Variants in TENM2 observed in about 807,000 individuals in gnomAD.
TENM2 encodes the protein teneurin-2.
A neutral mutation model predicts 245.2 loss-of-function variants in TENM2; 52 were observed. The ratio of observed to expected loss-of-function variants is 0.21; its 90% CI spans 0.17 to 0.27. The LOEUF (loss-of-function observed/expected upper bound fraction) is 0.27, where lower values mean the gene tolerates loss of function less well. Ranked by LOEUF, TENM2 falls within the 10% of genes least tolerant of loss-of-function variation. The probability of loss-of-function intolerance (pLI) is 1.00; values close to 1 mark genes in which losing one functional copy is unlikely to be tolerated. For synonymous variants in TENM2, 1,363 were observed against 1,438.9 expected, an observed-to-expected ratio of 0.95 and a Z score of 1.19; for missense variants, 3,046 against 3,666.8, an observed-to-expected ratio of 0.83 and a Z score of 4.37.
intron 9 of TENM2, among the ~76,000 whole-genome samples, chr5:168,111,451 G>T (rs1037163452): frequency 1.3e-5 from 2 of 152,150 alleles, no homozygotes; most frequent in African/African-American, 4.8e-5. Context: ...GGGGAGGGCT[G>T]TTCAGGTCAG....
intron 1 of TENM2, among the ~76,000 whole-genome samples, chr5:167,320,760 C>T (rs551593412): frequency 1.3e-5 from 2 of 152,252 alleles, no homozygotes; most frequent in East Asian, 1.9e-4. Flanking sequence ...TTGGACTTTC[C>T]AGCCTCCAGA....
At position 167,608,724 on chromosome 5, in the gene TENM2, C is replaced by T. The variant is rs537888604; in HGVS notation, c.502+233251C>T. On this transcript the variant is annotated intron_variant, in intron 2 of 28. Transcript: ENST00000518659. Reference sequence around the variant, plus strand: ...TTGTTGCTTCGTGTCTCACAGGAGCCTACAGATTTGCAAAAAAAACAAAAC... The same window carrying T: ...TTGTTGCTTCGTGTCTCACAGGAGCTTACAGATTTGCAAAAAAAACAAAAC... 2.0e-5 allele frequency among the ~76,000 whole-genome samples: 3 copies of T among 152,180 alleles called. No homozygotes were observed. In the South Asian group the frequency reaches 6.2e-4, roughly 32 times the overall value.
chr5:167,466,856 T>C (rs945065223), intron 2 of TENM2, among the ~76,000 whole-genome samples: 1 of 152,288 alleles, frequency 6.6e-6, no homozygotes, highest in East Asian at 1.9e-4. Context: ...CACGTACTAA[T>C]ACTGTGTATA....
chr5:167,872,374 AAGGAAAAG>A (rs1158422415), intron 2 of TENM2, among the ~76,000 whole-genome samples: 7 of 150,202 alleles, frequency 4.7e-5, no homozygotes, highest in African/African-American at 1.7e-4. Flanking sequence ...GGAAGGAAGG[AAGGAAAAG>A]AAAGAAGGAA....
chr5:167,590,604 A>C (rs1039548158), intron 2 of TENM2, among the ~76,000 whole-genome samples: 20 of 151,884 alleles, frequency 1.3e-4, no homozygotes, highest in Admixed American at 1.3e-3. Context: ...CTTAACTTTC[A>C]TCTTGATTAT....
the TENM2 span, among the ~76,000 whole-genome samples, chr5:167,099,387 G>A: frequency 6.6e-6 from 1 of 152,106 alleles, no homozygotes; most frequent in African/African-American, 2.4e-5. Flanking sequence ...GCTTATCTGT[G>A]ACAGATTTGT....
intron 4 of TENM2, among the ~76,000 whole-genome samples, chr5:167,989,403 G>A (rs1268468650): frequency 1.3e-5 from 2 of 152,140 alleles, no homozygotes; most frequent in African/African-American, 2.4e-5. Flanking sequence ...GATGGGTTAG[G>A]TGGGACAGAG....
chr5:167,292,432 T>C (rs962977956), intron 1 of TENM2, among the ~76,000 whole-genome samples: 1 of 152,228 alleles, frequency 6.6e-6, no homozygotes, highest in Non-Finnish European at 1.5e-5. Flanking sequence ...ATCACACCTA[T>C]TATTCCTGCT....
intron 1 of TENM2, among the ~76,000 whole-genome samples, chr5:167,314,260 GA>G (rs556870286): frequency 4.0e-5 from 6 of 151,338 alleles, no homozygotes; most frequent in East Asian, 1.9e-4. Context: ...TTTTGTTAAG[GA>G]AAAAAAACAA....
chr5:167,329,871 A>T (rs550050797), intron 1 of TENM2, among the ~76,000 whole-genome samples: 4 of 152,120 alleles, frequency 2.6e-5, no homozygotes, highest in Non-Finnish European at 5.9e-5. Context: ...TTAGTTTTTC[A>T]TATCCCTAAT....
intron 4 of TENM2, among the ~76,000 whole-genome samples, chr5:167,970,342 C>T (rs888031623): frequency 1.3e-5 from 2 of 152,180 alleles, no homozygotes; most frequent in African/African-American, 4.8e-5. Context: ...CTCTTTTAAG[C>T]TATCATCTTC....
chr5:167,228,098 G>A, the TENM2 span, among the ~76,000 whole-genome samples: 12 of 151,584 alleles, frequency 7.9e-5, no homozygotes, highest in African/African-American at 2.9e-4. Flanking sequence ...GCATTATTTC[G>A]GCTAACTGCA....
chr5:167,341,634 T>A (rs998503377), intron 1 of TENM2, among the ~76,000 whole-genome samples: 1 of 152,026 alleles, frequency 6.6e-6, no homozygotes, highest in Non-Finnish European at 1.5e-5. Context: ...GTCTTAAATG[T>A]CTGTATATTA....
chr5:167,080,242 G>A, the TENM2 span, among the ~76,000 whole-genome samples: 1 of 152,208 alleles, frequency 6.6e-6, no homozygotes, highest in African/African-American at 2.4e-5. Flanking sequence ...TAAGATATTG[G>A]TATTGGTCTT....
chr5:167,820,706 A>G (rs1767452516), intron 2 of TENM2, among the ~76,000 whole-genome samples: 1 of 152,212 alleles, frequency 6.6e-6, no homozygotes. Flanking sequence ...CTAACAAGAT[A>G]TGACTGGCCC....
intron 2 of TENM2, among the ~76,000 whole-genome samples, chr5:167,595,874 A>G (rs1156838681): frequency 2.0e-5 from 3 of 152,112 alleles, no homozygotes; most frequent in Non-Finnish European, 4.4e-5. Context: ...CTCCTCCCCC[A>G]TAAAATAAAG....
chr5:167,502,163 A>G (rs1769253256), intron 2 of TENM2, among the ~76,000 whole-genome samples: 1 of 152,194 alleles, frequency 6.6e-6, no homozygotes, highest in Non-Finnish European at 1.5e-5. Context: ...GACGGGATAG[A>G]GTTTGTGATA....
At chr5:167,048,421 T>C in the TENM2 span, among the ~76,000 whole-genome samples, 1 of 152,172 alleles carries the variant, frequency 6.6e-6, no homozygotes, top group Non-Finnish European at 1.5e-5. Context: ...TAAATGAAAC[T>C]CATGATTTCA....
chr5:167,972,683 T>G (rs1781879947), intron 4 of TENM2, among the ~76,000 whole-genome samples: 1 of 152,242 alleles, frequency 6.6e-6, no homozygotes, highest in Admixed American at 6.5e-5. Context: ...TTACGATCTC[T>G]CTTTACTTCT....
Sources: gnomAD v4.1 joint callset for allele counts (sites outside exome capture counted in the v4.1 genomes callset) on GRCh38, gnomAD v4.1.1 for gene constraint, MANE v1.5 for transcripts, NCBI Gene and HGNC (gene_info 2026-07-23, HGNC 2026-07-21) for gene names.